Variants in AFP observed in about 807,000 individuals in gnomAD.
AFP encodes the protein alpha fetoprotein.
In AFP, 64 loss-of-function variants were observed where a neutral mutation model predicts 78.9. The ratio of observed to expected loss-of-function variants is 0.81; its 90% CI spans 0.66 to 1.00. The LOEUF is 1.00. Ranked by LOEUF, AFP falls within the 50% of genes least tolerant of loss-of-function variation. The pLI, the probability that AFP is intolerant of heterozygous loss-of-function variation, is 0.00. For synonymous variants in AFP, 254 were observed against 243.8 expected (o/e 1.04, Z -0.39); for missense variants, 689 against 703.8 (o/e 0.98, Z 0.24).
chr4:73,438,714 G>A (rs1336063106), intron 3 of AFP, among the ~76,000 whole-genome samples: 3 of 152,080 alleles, frequency 2.0e-5, no homozygotes. Context: ...GGAGCATAAT[G>A]TGTATATTGA....
At chr4:73,442,165 A>T in intron 4 of AFP, 131 bp from the exon 5 acceptor site, 1 of 984,078 alleles carries the variant, frequency 1.0e-6, no homozygotes, top group Non-Finnish European at 1.5e-6. Flanking sequence ...GGAACACAGT[A>T]AAGACAAAGT....
intron 3 of AFP, among the ~76,000 whole-genome samples, chr4:73,438,786 G>A (rs958185237): frequency 1.3e-5 from 2 of 152,264 alleles, no homozygotes; most frequent in South Asian, 2.1e-4. Flanking sequence ...TGGTTGTCCA[G>A]TGAGTCAAGA....
intron 6 of AFP, among the ~76,000 whole-genome samples, chr4:73,444,220 A>T (rs534278261): frequency 6.6e-6 from 1 of 152,162 alleles, no homozygotes; most frequent in African/African-American, 2.4e-5. Flanking sequence ...CCTCCAACTC[A>T]ATTAGAAATT....
chr4:73,450,641 C>T lies in AFP; in HGVS notation c.1316C>T (p.Ala439Val). ...TTTCTCGTTGCTTACACAAAGAAAG[C>T]CCCCCAGCTGACCTCGTCGGAGCTG... ...NAFLVAYTKK[A>V]PQLTSSELMA... The change falls in exon 11 of 15, where the codon GCC becomes GTC. Residue 439 changes from alanine to valine, a missense_variant. Transcript: ENST00000395792. 1 of 1,614,116 alleles carries T rather than the reference C, an allele frequency of 6.2e-7. No individual in the cohort carries two copies. The highest frequency in any genetic ancestry group is 8.5e-7 in the Non-Finnish European group (1 of 1,180,004).
In AFP at chr4:73,452,560, A is replaced by T; in HGVS notation, c.1588A>T (p.Lys530Ter). 1 of 1,614,078 alleles carries T rather than the reference A, an allele frequency of 6.2e-7. No homozygotes were observed. The highest frequency in any genetic ancestry group is 8.5e-7 in the Non-Finnish European group (1 of 1,179,978). The change falls in exon 12 of 15, where the codon AAG becomes TAG. Residue 530 changes from lysine (K) to a stop codon, truncating the protein, a stop_gained. Coordinates refer to ENST00000395792, the MANE Select transcript of AFP (RefSeq NM_001134.3). LOFTEE classifies it high-confidence loss of function. ...TGTCCCTCCTGCATTCTCTGATGAC[A>T]AGTTCATTTTCCATAAGGATCTGTG... is the stretch of plus-strand genomic sequence containing the variant. ...TYVPPAFSDDKFIFHKDLCQA... is the reference protein window; with the variant it reads ...TYVPPAFSDD
chr4:73,438,760 C>T (rs984933947), intron 3 of AFP, among the ~76,000 whole-genome samples: 2 of 152,078 alleles, frequency 1.3e-5, no homozygotes, highest in African/African-American at 4.8e-5. Context: ...GGATAGATAG[C>T]ACTGATGAAT....
intron 7 of AFP, among the ~76,000 whole-genome samples, chr4:73,445,480 A>G (rs1227976013): frequency 6.6e-6 from 1 of 152,214 alleles, no homozygotes. Flanking sequence ...AAATAAATAT[A>G]TATTAAATAC....
chr4:73,445,135 G>A lies in AFP; in HGVS notation c.843+13G>A, dbSNP rs771478094. ...TCTGCAGGATGGGGTGAAGAGTCTTGCTTCTTAAAATAGAAGATTTTCACT... is the reference window on the plus strand; with the variant it reads ...TCTGCAGGATGGGGTGAAGAGTCTTACTTCTTAAAATAGAAGATTTTCACT... On this transcript the variant is annotated intron_variant, in intron 7 of 14. Coordinates refer to ENST00000395792, the MANE Select transcript of AFP (RefSeq NM_001134.3). The A allele has an allele frequency of 6.8e-6, 11 of 1,613,328 alleles. No homozygotes were observed. The African/African-American group carries it at 1.5e-4, about 22-fold the overall frequency.
At chr4:73,454,826 T>C (rs1720110722) in intron 13 of AFP, among the ~76,000 whole-genome samples, 1 of 152,132 alleles carries the variant, frequency 6.6e-6, no homozygotes, top group Non-Finnish European at 1.5e-5. Flanking sequence ...ATAAAACTGG[T>C]GAAACAGATT....
At chr4:73,451,236 C>A (rs941553803) in intron 11 of AFP, among the ~76,000 whole-genome samples, 1 of 152,090 alleles carries the variant, frequency 6.6e-6, no homozygotes. Context: ...GGTTCCCTTT[C>A]GCAGGGTATA....
At chr4:73,452,278 C>A (rs1363690711) in intron 11 of AFP, 123 bp from the exon 12 acceptor site, 2 of 794,708 alleles carry the variant, frequency 2.5e-6, no homozygotes, top group Non-Finnish European at 4.3e-6. Flanking sequence ...AGCAAATTTT[C>A]CTGTAATATT....
rs1292482952 is a variant in AFP, at chr4:73,447,560, A to C, written c.942A>C (p.Ile314=). 10 of 1,612,666 alleles carry C rather than the reference A, an allele frequency of 6.2e-6. No individual in the cohort carries two copies. In the African/African-American group the frequency reaches 9.4e-5, roughly 15 times the overall value. ...KLTTLERGQC[I]IHAENDEKPE... ...CCACGCTGGAACGTGGTCAATGTAT[A>C]ATTCATGCAGAAAATGATGAAAAAC... is the stretch of plus-strand genomic sequence containing the variant. The change falls in exon 8 of 15, where the codon ATA becomes ATC. Residue 314 remains isoleucine (I), a synonymous_variant. Coordinates refer to ENST00000395792, the MANE Select transcript of AFP (RefSeq NM_001134.3).
chr4:73,449,693 A>T (rs553255509), intron 9 of AFP, among the ~76,000 whole-genome samples: 1 of 152,302 alleles, frequency 6.6e-6, no homozygotes, highest in South Asian at 2.1e-4. Flanking sequence ...CAAGTGTAGA[A>T]ATAAAAATGT....
rs1315487700 is a variant in AFP, at chr4:73,453,783, G to A, written c.1671G>A (p.Val557=). The change falls in exon 13 of 15, where the codon GTG becomes GTA. Residue 557 remains valine, a synonymous_variant. Transcript: ENST00000395792. The part of the protein sequence containing the change: ...TMKQEFLINL[V]KQKPQITEEQ... The stretch of plus-strand genomic sequence containing the variant: ...ATCACAGGTTTCTCATTAACCTTGT[G>A]AAGCAAAAGCCACAAATAACAGAGG... 6.2e-7 allele frequency: 1 copy of A among 1,613,520 alleles called. No individual in the cohort carries two copies. The highest frequency in any genetic ancestry group is 8.5e-7 in the Non-Finnish European group (1 of 1,179,632).
Position 73,442,417 on chromosome 4 carries a change from T to G in AFP, c.604T>G (p.Phe202Val). Residue 202 changes from phenylalanine to valine, a missense_variant, in exon 5 of 15, where the codon TTC becomes GTC. Coordinates refer to ENST00000395792, the MANE Select transcript of AFP (RefSeq NM_001134.3). ...CCKAENAVECFQTKAATVTKE... is the reference protein window; with the variant it reads ...CCKAENAVECVQTKAATVTKE... The stretch of plus-strand genomic sequence containing the variant: ...CAAAGCTGAAAATGCAGTTGAATGC[T>G]TCCAAACAAAGGTATCATATTTGCG... 1 of 1,614,060 alleles carries G rather than the reference T, an allele frequency of 6.2e-7. No individual in the cohort carries two copies. The highest frequency in any genetic ancestry group is 1.7e-5 in the Admixed American group (1 of 60,026).
At chr4:73,448,367 G>T (rs1395284145) in intron 8 of AFP, among the ~76,000 whole-genome samples, 1 of 152,010 alleles carries the variant, frequency 6.6e-6, no homozygotes, top group Non-Finnish European at 1.5e-5. Flanking sequence ...TAGCACTTAG[G>T]ACATTATACT....
At chr4:73,438,444 C>T (rs1719574485) in intron 3 of AFP, 138 bp downstream of exon 3, 5 of 1,006,430 alleles carry the variant, frequency 5.0e-6, no homozygotes, top group Non-Finnish European at 7.3e-6. Flanking sequence ...TAGATTCATT[C>T]TGAATTGCTA....
Position 73,442,290 on chromosome 4 carries a change from T to G in AFP, c.483-6T>G, listed in dbSNP as rs777499130. The stretch of plus-strand genomic sequence containing the variant: ...ATAAATCTTCTAGCTCTATTTTATT[T>G]CACAGATTCATTTATGAGATAGCAA... On this transcript the variant is annotated splice_region_variant and splice_polypyrimidine_tract_variant and intron_variant, in intron 4 of 14. Transcript: ENST00000395792. 6.8e-6 allele frequency: 11 copies of G among 1,612,766 alleles called. No homozygotes were observed. The East Asian group carries it at 2.5e-4, about 36-fold the overall frequency.
Position 73,442,518 on chromosome 4 carries a change from G to T in AFP, c.615+90G>T, listed in dbSNP as rs1577953539. On this transcript the variant is annotated intron_variant, in intron 5 of 14. Transcript: ENST00000395792. ...GTTAAAAATGAAAACGTGCTTAATT[G>T]TGGAGAGTATCGTTTTTGGAATAGA... The T allele has an allele frequency of 2.0e-6, 3 of 1,471,548 alleles. No homozygotes were observed. In the East Asian group the frequency reaches 6.8e-5, roughly 33 times the overall value. The allele number at this position is 1,471,548 out of a possible 1,614,324, so 91.2% of individuals were successfully genotyped here.
Sources: allele counts gnomAD v4.1 joint callset (sites outside exome capture counted in the v4.1 genomes callset), GRCh38; gene constraint gnomAD v4.1.1; transcripts MANE v1.5; gene names NCBI Gene and HGNC (gene_info 2026-07-23, HGNC 2026-07-21).